Variants in ACOT11 observed in about 807,000 individuals in gnomAD.
The protein encoded by ACOT11 is acyl-CoA thioesterase 11.
A neutral mutation model predicts 77.5 loss-of-function variants in ACOT11; 69 were observed. That is an observed-to-expected ratio of 0.89 (90% CI 0.73 to 1.09). The LOEUF is 1.09. ACOT11 is among the 50% of genes least tolerant of loss of function. The pLI is 0.00. For missense variants in ACOT11, 766 were observed against 813.7 expected, an observed-to-expected ratio of 0.94 and a Z score of 0.71; for synonymous variants, 279 against 313.0, an observed-to-expected ratio of 0.89 and a Z score of 1.15.
chr1:54,612,589 C>T (rs144804206), downstream of ACOT11: 139 of 1,613,984 alleles, frequency 8.6e-5, no homozygotes, highest in Non-Finnish European at 1.1e-4. Context: ...CCCACCAGCT[C>T]GTGCATCTTC....
chr1:54,605,902 C>T lies in ACOT11; in HGVS notation c.1370+693C>T, dbSNP rs561544008. Among the ~76,000 whole-genome samples the T allele has an allele frequency of 8.5e-5, 13 of 152,188 alleles. No homozygotes were observed. The South Asian group carries it at 2.1e-3, about 24-fold the overall frequency. ...AAGTCATTTTCTGTTCTGCCATCACCGGGGCTCGAGGGGGTTCTTTGATAA... is the reference window on the plus strand; with the variant it reads ...AAGTCATTTTCTGTTCTGCCATCACTGGGGCTCGAGGGGGTTCTTTGATAA... On this transcript the variant is annotated intron_variant, in intron 13 of 15. Transcript: ENST00000343744.
intron 6 of ACOT11, 133 bp from the exon 7 acceptor site, chr1:54,597,126 A>G (rs1240413395): frequency 1.7e-6 from 2 of 1,149,252 alleles, no homozygotes; most frequent in African/African-American, 1.5e-5. Flanking sequence ...CCTCATGTGC[A>G]CTCTGTGCTG....
chr1:54,562,140 G>A (rs1196594113), intron 1 of ACOT11, among the ~76,000 whole-genome samples: 1 of 65,898 alleles, frequency 1.5e-5, no homozygotes, highest in Non-Finnish European at 2.7e-5. Flanking sequence ...CGGGCAGAGG[G>A]GCTCCTCACT....
chr1:54,559,146 C>T lies in ACOT11; in HGVS notation c.33+10804C>T, dbSNP rs547612786. On this transcript the variant is annotated intron_variant, in intron 1 of 15. Transcript: ENST00000343744. ...GCTCTCATCTGCTAGACTGGGTCCC[C>T]GTTTCCAGCCCTTGTCTTGGCTAGC... Among the ~76,000 whole-genome samples the T allele has an allele frequency of 1.2e-4, 18 of 152,348 alleles. No individual in the cohort carries two copies. In the South Asian group the frequency reaches 2.3e-3, roughly 19 times the overall value.
rs1183586179 is a variant in ACOT11, at chr1:54,619,718, C to T, written c.1630-11016C>T. The T allele has an allele frequency of 1.0e-5, 8 of 777,652 alleles. No individual in the cohort carries two copies. In the African/African-American group the frequency reaches 1.4e-4, roughly 14 times the overall value. The allele number at this position is 777,652 out of a possible 1,614,324, so 48.2% of individuals were successfully genotyped here. On this transcript the variant is annotated intron_variant, in intron 15 of 16. Coordinates refer to the ACOT11 transcript ENST00000371316. ...CACAACCTTGAGCTGGTCACTTAACCCCTCTGAGCCCCTATTTCCTCATGC... is the reference window on the plus strand; with the variant it reads ...CACAACCTTGAGCTGGTCACTTAACTCCTCTGAGCCCCTATTTCCTCATGC...
chr1:54,588,023 G>A (rs1654568311), intron 3 of ACOT11, among the ~76,000 whole-genome samples: 2 of 152,032 alleles, frequency 1.3e-5, no homozygotes, highest in Admixed American at 6.6e-5. Context: ...GACTAGCTGG[G>A]CAACATGGCA....
downstream of ACOT11, chr1:54,610,680 G>A (rs1644108597): frequency 1.4e-5 from 20 of 1,437,050 alleles, 1 homozygote; most frequent in South Asian, 3.0e-4. Context: ...ACCCTGCCAA[G>A]TAGCTCTCAT....
chr1:54,558,689 G>A (rs1213139213), intron 1 of ACOT11, among the ~76,000 whole-genome samples: 1 of 152,190 alleles, frequency 6.6e-6, no homozygotes, highest in Non-Finnish European at 1.5e-5. Flanking sequence ...GGGCCCAGCA[G>A]CCCCTGCTGC....
Position 54,609,173 on chromosome 1 carries a change from A to G in ACOT11, c.*61A>G. 1 of 1,609,338 alleles carries G rather than the reference A, an allele frequency of 6.2e-7. No individual in the cohort carries two copies. Among genetic ancestry groups the G allele is most frequent in the Admixed American group, 1.7e-5 (1 of 59,650 alleles). On this transcript the variant is annotated 3_prime_UTR_variant, in exon 16 of 16. Transcript: ENST00000343744. Reference sequence around the variant, plus strand: ...CCATCCTGTCCCCAAGGACTCACATACAGTGCCTGGAGAAAGCCAAAGACC... The same window carrying G: ...CCATCCTGTCCCCAAGGACTCACATGCAGTGCCTGGAGAAAGCCAAAGACC...
chr1:54,556,047 C>T (rs1340230954), intron 1 of ACOT11, among the ~76,000 whole-genome samples: 1 of 152,186 alleles, frequency 6.6e-6, no homozygotes, highest in Non-Finnish European at 1.5e-5. Flanking sequence ...TGCACCTGGC[C>T]TGATTTTTTT....
At chr1:54,581,154 G>A (rs571658152) in intron 1 of ACOT11, among the ~76,000 whole-genome samples, 36 of 152,330 alleles carry the variant, frequency 2.4e-4, no homozygotes, top group African/African-American at 7.7e-4. Flanking sequence ...AGGTCTCCCC[G>A]AAAGGAAGGT....
intron 15 of ACOT11, among the ~76,000 whole-genome samples, chr1:54,620,652 C>G (rs1358287419): frequency 1.3e-5 from 2 of 148,472 alleles, no homozygotes; most frequent in African/African-American, 2.5e-5. Flanking sequence ...CGAGACCAGC[C>G]TGGCCAACAT....
chr1:54,566,089 G>A (rs1363979478), intron 1 of ACOT11, among the ~76,000 whole-genome samples: 2 of 152,088 alleles, frequency 1.3e-5, no homozygotes, highest in East Asian at 3.9e-4. Flanking sequence ...GACTCTCCTG[G>A]GGTCCTCCCA....
intron 1 of ACOT11, among the ~76,000 whole-genome samples, chr1:54,558,998 C>T (rs1047015838): frequency 6.6e-6 from 1 of 152,146 alleles, no homozygotes; most frequent in Non-Finnish European, 1.5e-5. Flanking sequence ...TCAGCTGCCT[C>T]CCCATTCACC....
intron 1 of ACOT11, among the ~76,000 whole-genome samples, chr1:54,553,619 G>A (rs141524268): frequency 1.6e-4 from 24 of 152,106 alleles, no homozygotes; most frequent in African/African-American, 5.8e-4. Context: ...TGGTGATAGT[G>A]CAGAACATCT....
chr1:54,575,830 A>G (rs1654094680), intron 1 of ACOT11, among the ~76,000 whole-genome samples: 1 of 152,192 alleles, frequency 6.6e-6, no homozygotes, highest in Non-Finnish European at 1.5e-5. Flanking sequence ...AGGGAGTGGC[A>G]CGGGCAAAGG....
chr1:54,596,723 G>A (rs764386532), intron 6 of ACOT11, among the ~76,000 whole-genome samples: 1 of 152,034 alleles, frequency 6.6e-6, no homozygotes, highest in Non-Finnish European at 1.5e-5. Flanking sequence ...ACAGGCACTC[G>A]CCACCATGCC....
Position 54,601,321 on chromosome 1 carries a change from C to T in ACOT11, c.937C>T (p.Arg313Trp), listed in dbSNP as rs188119031. 7.4e-4 allele frequency: 1,191 copies of T among 1,613,384 alleles called. 15 individuals carry two copies. In the South Asian group the frequency reaches 0.011, roughly 15 times the overall value. Residue 313 changes from arginine (R) to tryptophan (W), a missense_variant, in exon 9 of 16, where the codon CGG becomes TGG. Transcript: ENST00000343744. ...CTATCGCCAGGAGGCTGAGACCCAC[C>T]GGCGCCACATCAACAGTGCCTTTAT... ...EAYRQEAETHRRHINSAFMTF... is the reference protein window; with the variant it reads ...EAYRQEAETHWRHINSAFMTF...
intron 1 of ACOT11, among the ~76,000 whole-genome samples, chr1:54,549,613 T>C (rs933263873): frequency 6.6e-6 from 1 of 152,212 alleles, no homozygotes; most frequent in Non-Finnish European, 1.5e-5. Flanking sequence ...TGTTAGCCCC[T>C]TTTCACACTG....
Sources: gnomAD v4.1 joint callset for allele counts (sites outside exome capture counted in the v4.1 genomes callset) on GRCh38, gnomAD v4.1.1 for gene constraint, MANE v1.5 for transcripts, NCBI Gene and HGNC (gene_info 2026-07-23, HGNC 2026-07-21) for gene names.